Variants in KAZN observed in about 807,000 individuals in gnomAD.
KAZN encodes kazrin, periplakin interacting protein, also known as kazrin.
A neutral mutation model predicts 87.4 loss-of-function variants in KAZN; 40 were observed. The ratio of observed to expected loss-of-function variants is 0.46; its 90% confidence interval spans 0.36 to 0.60. The LOEUF (loss-of-function observed/expected upper bound fraction) is 0.60, where lower values mean the gene tolerates loss of function less well. Ranked by LOEUF, KAZN falls within the 20% of genes least tolerant of loss-of-function variation. KAZN has a pLI of 0.00. For synonymous variants in KAZN, 466 were observed against 458.3 expected (o/e 1.02, Z -0.22); for missense variants, 898 against 1,073.9 (o/e 0.84, Z 2.29).
At position 15,099,751 on chromosome 1, in the gene KAZN, C is replaced by T. The variant is rs1312729115; in HGVS notation, c.1548-1792C>T. Among the ~76,000 whole-genome samples the T allele has an allele frequency of 2.0e-5, 3 of 152,104 alleles. No individual in the cohort carries two copies. Among genetic ancestry groups the T allele is most frequent in the Non-Finnish European group, 4.4e-5 (3 of 68,014 alleles). ...GTCACACTGACATTTTAAAAGGACC[C>T]CCTGGTGGTCCTGGGGGATGCGGAA... On this transcript the variant is annotated intron_variant, in intron 10 of 14. Transcript: ENST00000376030. The surrounding 1 kb of genome is among the most constrained non-coding windows in gnomAD (Gnocchi z 5.4).
chr1:14,182,798 C>T (rs1427655781), intron 2 of KAZN, among the ~76,000 whole-genome samples: 2 of 152,190 alleles, frequency 1.3e-5, no homozygotes, highest in Non-Finnish European at 2.9e-5. Context: ...AATGATTGTA[C>T]TCATTTTCAT....
intron 13 of KAZN, among the ~76,000 whole-genome samples, chr1:15,106,460 C>A (rs1373591119): frequency 6.6e-6 from 1 of 152,084 alleles, no homozygotes; most frequent in Non-Finnish European, 1.5e-5. Flanking sequence ...TATTAGCAGG[C>A]ATTTGTGTAT....
intron 1 of KAZN, among the ~76,000 whole-genome samples, chr1:14,877,268 G>A (rs1216392022): frequency 6.6e-6 from 1 of 152,170 alleles, no homozygotes; most frequent in African/African-American, 2.4e-5. Flanking sequence ...CCATATGGCT[G>A]GGGAAGATGA....
At chr1:14,878,062 C>T (rs1034791942) in intron 1 of KAZN, among the ~76,000 whole-genome samples, 9 of 152,134 alleles carry the variant, frequency 5.9e-5, no homozygotes, top group African/African-American at 1.4e-4. Context: ...AACCTGCAGA[C>T]ATGGTTAAAA....
At chr1:14,899,787 T>C (rs1456877236) in intron 1 of KAZN, among the ~76,000 whole-genome samples, 1 of 152,052 alleles carries the variant, frequency 6.6e-6, no homozygotes, top group African/African-American at 2.4e-5. Flanking sequence ...CCACCTCCGC[T>C]CCCTCGGGGG....
intron 1 of KAZN, among the ~76,000 whole-genome samples, chr1:13,952,729 T>G (rs368884029): frequency 1.7e-4 from 26 of 152,150 alleles, no homozygotes; most frequent in African/African-American, 6.0e-4. Context: ...AAGGTCCCCC[T>G]GGCCAGATCA....
At chr1:14,422,438 C>A (rs192979246) in intron 2 of KAZN, among the ~76,000 whole-genome samples, 2 of 152,300 alleles carry the variant, frequency 1.3e-5, no homozygotes, top group South Asian at 2.1e-4. Flanking sequence ...CGCTACGCAG[C>A]GCATAAGACA....
rs79352019 is a variant in KAZN, at chr1:14,443,833, A to G, written c.250-155150A>G. On this transcript the variant is annotated intron_variant, in intron 2 of 16. Transcript: ENST00000636203. ...CAAAATGGTATAGCAGCATTTTGCT[A>G]TAATTTTATAGCAGGATTGTTCTCC... is the stretch of plus-strand genomic sequence containing the variant. 1.2e-4 allele frequency among the ~76,000 whole-genome samples: 19 copies of G among 152,324 alleles called. No individual in the cohort carries two copies. In the East Asian group the frequency reaches 3.5e-3, roughly 28 times the overall value.
intron 2 of KAZN, among the ~76,000 whole-genome samples, chr1:14,395,440 G>A (rs1662813792): frequency 6.6e-6 from 1 of 152,140 alleles, no homozygotes; most frequent in Non-Finnish European, 1.5e-5. Context: ...CTTGGCTGGG[G>A]CTCTTACCAC....
intron 2 of KAZN, among the ~76,000 whole-genome samples, chr1:14,257,786 A>C (rs1650635567): frequency 1.1e-5 from 1 of 87,618 alleles, no homozygotes; most frequent in Non-Finnish European, 2.0e-5. Flanking sequence ...CACTCTGGGG[A>C]CTGTGGTGGG....
At position 14,325,954 on chromosome 1, in the gene KAZN, A is replaced by G. The variant is rs138228934; in HGVS notation, c.249+145362A>G. Among the ~76,000 whole-genome samples, 1,124 of 150,566 alleles carry G rather than the reference A, an allele frequency of 7.5e-3. 15 individuals carry two copies. The highest frequency in any genetic ancestry group is 0.026 in the African/African-American group (1,073 of 40,924). ...TAGTGGCGGGATCCCTGGGATTCCA[A>G]TCCAGAGGACTCTTGGCAATCTACA... is the stretch of plus-strand genomic sequence containing the variant. On this transcript the variant is annotated intron_variant, in intron 2 of 16. Transcript: ENST00000636203.
At chr1:14,197,809 C>A (rs1646559984) in intron 2 of KAZN, among the ~76,000 whole-genome samples, 1 of 152,072 alleles carries the variant, frequency 6.6e-6, no homozygotes, top group East Asian at 1.9e-4. Flanking sequence ...GATAGATTCC[C>A]CCAGAAAAAG....
chr1:14,737,903 G>A (rs565871764), intron 1 of KAZN, among the ~76,000 whole-genome samples: 1 of 152,280 alleles, frequency 6.6e-6, no homozygotes, highest in Non-Finnish European at 1.5e-5. Flanking sequence ...CACCTGATTA[G>A]GTCAGGCCCA....
intron 1 of KAZN, among the ~76,000 whole-genome samples, chr1:13,959,211 G>A (rs571600802): frequency 1.2e-4 from 19 of 152,254 alleles, no homozygotes; most frequent in African/African-American, 4.3e-4. Context: ...GGATGTAGCC[G>A]AGAAACACTT....
chr1:14,640,116 C>T (rs1411237725), intron 1 of KAZN, among the ~76,000 whole-genome samples: 9 of 152,098 alleles, frequency 5.9e-5, no homozygotes, highest in African/African-American at 1.7e-4. Flanking sequence ...TTTTAAAAAC[C>T]CCATCTGCTG....
chr1:15,044,290 G>C (rs888569012), intron 4 of KAZN, 131 bp downstream of exon 4: 2 of 960,534 alleles, frequency 2.1e-6, no homozygotes, highest in South Asian at 4.0e-5. Flanking sequence ...ACACAAGCAG[G>C]GGGCAGGGCC....
intron 2 of KAZN, among the ~76,000 whole-genome samples, chr1:14,190,735 C>T (rs1646405381): frequency 6.6e-6 from 1 of 152,120 alleles, no homozygotes. Flanking sequence ...CCAGGTGAGT[C>T]ATCCTGCTGA....
At chr1:14,531,400 A>G (rs544018401) in intron 2 of KAZN, among the ~76,000 whole-genome samples, 2 of 152,318 alleles carry the variant, frequency 1.3e-5, no homozygotes, top group African/African-American at 2.4e-5. Flanking sequence ...CAGATTGATC[A>G]CTGTATTCGC....
intron 2 of KAZN, among the ~76,000 whole-genome samples, chr1:14,283,857 G>A (rs1653036501): frequency 6.6e-6 from 1 of 152,116 alleles, no homozygotes; most frequent in African/African-American, 2.4e-5. Flanking sequence ...ACAACCCAAA[G>A]TCCATCAACT....
Sources: allele counts gnomAD v4.1 joint callset (sites outside exome capture counted in the v4.1 genomes callset), GRCh38; gene constraint gnomAD v4.1.1; non-coding constraint Gnocchi (gnomAD v3.1); transcripts MANE v1.5; gene names NCBI Gene and HGNC (gene_info 2026-07-23, HGNC 2026-07-21).